Variants in CCDC7 observed in about 807,000 individuals in gnomAD.
The protein encoded by CCDC7 is coiled-coil domain containing 7.
CCDC7 carries 183 observed loss-of-function variants against 196.9 expected under a neutral mutation model. The observed-to-expected ratio is 0.93, with a 90% CI of 0.82 to 1.05. CCDC7 has a LOEUF of 1.05. CCDC7 is among the 50% of genes least tolerant of loss of function. The probability of loss-of-function intolerance (pLI) is 0.00; values close to 1 mark genes in which losing one functional copy is unlikely to be tolerated. For synonymous variants in CCDC7, 525 were observed against 484.6 expected (o/e 1.08, Z -1.10); for missense variants, 1,540 against 1,482.2 (o/e 1.04, Z -0.64).
At chr10:32,658,871 T>C (rs1591237900) in intron 20 of CCDC7, among the ~76,000 whole-genome samples, 2 of 152,232 alleles carry the variant, frequency 1.3e-5, no homozygotes, top group South Asian at 4.1e-4. Flanking sequence ...ATTTTTTGTA[T>C]TTCTGTGGTC....
chr10:32,687,239 T>C (rs1227910507), intron 22 of CCDC7, among the ~76,000 whole-genome samples: 1 of 152,230 alleles, frequency 6.6e-6, no homozygotes, highest in East Asian at 1.9e-4. Flanking sequence ...TTTGGATTCA[T>C]GATCATGAAG....
intron 13 of CCDC7, among the ~76,000 whole-genome samples, chr10:32,563,341 A>G (rs965009003): frequency 1.3e-5 from 2 of 152,208 alleles, no homozygotes; most frequent in South Asian, 2.1e-4. Context: ...CGCATTGCCA[A>G]GTCAATCCTA....
intron 21 of CCDC7, among the ~76,000 whole-genome samples, chr10:32,681,784 C>G (rs907637608): frequency 2.3e-4 from 33 of 145,812 alleles, no homozygotes; most frequent in African/African-American, 7.5e-4. Flanking sequence ...CACACACACA[C>G]AGCTTCATAC....
chr10:32,514,334 A>G (rs1400922899), intron 9 of CCDC7: 1 of 152,180 alleles, frequency 6.6e-6, no homozygotes, highest in Non-Finnish European at 1.5e-5. Flanking sequence ...CCTTAATCCA[A>G]CGTGACTAAT....
intron 20 of CCDC7, among the ~76,000 whole-genome samples, chr10:32,639,558 A>C (rs1483216152): frequency 1.3e-5 from 2 of 150,744 alleles, no homozygotes; most frequent in African/African-American, 4.9e-5. Flanking sequence ...GTTTTGAGTG[A>C]GATTCTTAAT....
At chr10:32,534,835 T>A (rs1347184416) in intron 11 of CCDC7, among the ~76,000 whole-genome samples, 1 of 152,110 alleles carries the variant, frequency 6.6e-6, no homozygotes, top group African/African-American at 2.4e-5. Flanking sequence ...GATGGTAGTT[T>A]TACTTTTCTT....
Position 32,778,971 on chromosome 10 carries a change from T to C in CCDC7, c.2906-6T>C, listed in dbSNP as rs1197734685. The C allele has an allele frequency of 1.3e-6, 2 of 1,544,206 alleles. No homozygotes were observed. The highest frequency in any genetic ancestry group is 2.7e-5 in the African/African-American group (2 of 72,790). ...CAACTACTTTGACAATCTGTTATTC[T>C]TACAGTTAAAAATGAAGCAGCCTCA... On this transcript the variant is annotated splice_region_variant and splice_polypyrimidine_tract_variant and intron_variant, in intron 28 of 41. Coordinates refer to ENST00000639629, the Ensembl canonical transcript of CCDC7.
intron 20 of CCDC7, among the ~76,000 whole-genome samples, chr10:32,648,460 A>G (rs1467112937): frequency 6.6e-6 from 1 of 152,184 alleles, no homozygotes; most frequent in East Asian, 1.9e-4. Flanking sequence ...ATAGTGCTGC[A>G]ACAAACATAT....
chr10:32,649,450 G>T (rs1440098492), intron 20 of CCDC7, among the ~76,000 whole-genome samples: 1 of 152,150 alleles, frequency 6.6e-6, no homozygotes. Flanking sequence ...TGCCTCTAAG[G>T]ATTTTTCTTT....
At chr10:32,711,525 G>T in intron 24 of CCDC7, 95 bp from the exon 26 acceptor site, 2 of 708,340 alleles carry the variant, frequency 2.8e-6, no homozygotes, top group South Asian at 1.8e-5. Context: ...TAAGATGAAA[G>T]AAAATGTTGC....
intron 35 of CCDC7, 78 bp from the exon 37 acceptor site, chr10:32,845,798 C>CAA: frequency 4.4e-6 from 3 of 685,590 alleles, no homozygotes; most frequent in Non-Finnish European, 6.9e-6. Flanking sequence ...CACACACATA[C>CAA]ACACACACAC....
In CCDC7 at chr10:32,746,319, G is replaced by A. The variant is rs145496621; in HGVS notation, c.2905+16862G>A. The stretch of plus-strand genomic sequence containing the variant: ...GTGAGGAGTGGTCTTATCTCACCAT[G>A]CACCTCCAGAATCCTAGCTGCAGAA... On this transcript the variant is annotated intron_variant, in intron 28 of 41. Coordinates refer to ENST00000639629, the Ensembl canonical transcript of CCDC7. 1.8e-3 allele frequency among the ~76,000 whole-genome samples: 267 copies of A among 152,300 alleles called. 1 individual carries two copies. The highest frequency in any genetic ancestry group is 3.2e-3 in the Non-Finnish European group (217 of 68,018).
chr10:32,843,884 C>T (rs1250131204), intron 33 of CCDC7, among the ~76,000 whole-genome samples: 3 of 151,892 alleles, frequency 2.0e-5, no homozygotes, highest in East Asian at 1.9e-4. Context: ...TTATGTGTCT[C>T]GGTTCATTTT....
At chr10:32,612,578 T>C (rs184593020) in intron 18 of CCDC7, among the ~76,000 whole-genome samples, 1 of 152,292 alleles carries the variant, frequency 6.6e-6, no homozygotes, top group East Asian at 1.9e-4. Context: ...CTCTTATTAT[T>C]TTAAGATACA....
chr10:32,492,679 G>C (rs148798097), intron 9 of CCDC7, among the ~76,000 whole-genome samples: 2 of 151,928 alleles, frequency 1.3e-5, no homozygotes, highest in African/African-American at 4.8e-5. Context: ...TTGCCAGGGG[G>C]TACAGGAGGG....
chr10:32,723,928 C>T (rs1246428365), intron 25 of CCDC7, among the ~76,000 whole-genome samples: 1 of 152,020 alleles, frequency 6.6e-6, no homozygotes, highest in Non-Finnish European at 1.5e-5. Context: ...AACTCAGCAA[C>T]TCAGGGTCTC....
intron 28 of CCDC7, among the ~76,000 whole-genome samples, chr10:32,767,650 C>T (rs1592550932): frequency 6.6e-6 from 1 of 151,930 alleles, no homozygotes; most frequent in Non-Finnish European, 1.5e-5. Context: ...AGGATGGGTA[C>T]GAGCAAGTCC....
intron 28 of CCDC7, among the ~76,000 whole-genome samples, chr10:32,757,131 A>C (rs756136392): frequency 3.9e-5 from 6 of 152,218 alleles, no homozygotes; most frequent in Non-Finnish European, 8.8e-5. Flanking sequence ...AAAGAGACTT[A>C]GACTCCCACA....
intron 5 of CCDC7, among the ~76,000 whole-genome samples, chr10:32,465,108 AG>A (rs1325110062): frequency 2.0e-5 from 1 of 50,626 alleles, no homozygotes; most frequent in African/African-American, 3.6e-5. Context: ...CAATGAAACT[AG>A]TTTTTTTTTT....
Sources: allele counts gnomAD v4.1 joint callset (sites outside exome capture counted in the v4.1 genomes callset), GRCh38; gene constraint gnomAD v4.1.1; transcripts MANE v1.5; gene names NCBI Gene and HGNC (gene_info 2026-07-23, HGNC 2026-07-21).